ARL10: variants seen among roughly 807,000 people sequenced by gnomAD.
The protein encoded by ARL10 is ADP-ribosylation factor-like protein 10.
In ARL10, 23 loss-of-function variants were observed where a neutral mutation model predicts 26.1. The ratio of observed to expected loss-of-function variants is 0.88; its 90% CI spans 0.63 to 1.25. The LOEUF (loss-of-function observed/expected upper bound fraction) is 1.25. Among genes scored for constraint, ARL10 ranks in the 50% most tolerant of loss-of-function variants. ARL10 has a pLI of 0.00. For missense variants in ARL10, 300 were observed against 323.6 expected (o/e 0.93, Z 0.56); for synonymous variants, 138 against 149.1 (o/e 0.93, Z 0.54).
the ARL10 span, among the ~76,000 whole-genome samples, chr5:176,409,958 C>T: frequency 2.6e-5 from 4 of 152,168 alleles, no homozygotes; most frequent in Admixed American, 6.5e-5. Flanking sequence ...GAAGGCCTTG[C>T]GCTGCCTTCA....
At chr5:176,386,165 T>C (rs1324077396), downstream of ARL10, 1 of 156,398 alleles carries the variant, frequency 6.4e-6, no homozygotes, top group Non-Finnish European at 1.4e-5. Flanking sequence ...GTAACTTTTA[T>C]GTGTTTTTTA....
chr5:176,390,369 C>T (rs1756220784), downstream of ARL10, among the ~76,000 whole-genome samples: 1 of 152,052 alleles, frequency 6.6e-6, no homozygotes, highest in Non-Finnish European at 1.5e-5. Flanking sequence ...GCCCTCCACT[C>T]CGCATAACCT....
chr5:176,410,649 C>T, the ARL10 span, among the ~76,000 whole-genome samples: 2 of 152,184 alleles, frequency 1.3e-5, no homozygotes, highest in African/African-American at 4.8e-5. Flanking sequence ...GACCCCTGGC[C>T]ATGGCTGGGA....
At chr5:176,367,531 T>C (rs758302539) in intron 2 of ARL10, among the ~76,000 whole-genome samples, 1 of 152,200 alleles carries the variant, frequency 6.6e-6, no homozygotes, top group Non-Finnish European at 1.5e-5. Context: ...TTAAAGCCCT[T>C]GGGGGGCTCC....
chr5:176,373,009 A>T lies in ARL10; in HGVS notation c.*1114A>T, dbSNP rs1269987684. On this transcript the variant is annotated 3_prime_UTR_variant, in exon 4 of 4. Transcript: ENST00000310389. ...TTGAGGCTGTCGTCGATATCATAGT[A>T]CTTTACATGGATTCACATGAACTGA... 2 of 398,504 alleles carry T rather than the reference A, an allele frequency of 5.0e-6. No individual in the cohort carries two copies. The highest frequency in any genetic ancestry group is 4.1e-5 in the African/African-American group (2 of 48,620). 24.7% of individuals were successfully genotyped at this position (398,504 alleles called of 1,614,324 possible).
intron 1 of ARL10, among the ~76,000 whole-genome samples, chr5:176,400,127 G>A (rs1238811935): frequency 6.6e-6 from 1 of 151,524 alleles, no homozygotes; most frequent in Non-Finnish European, 1.5e-5. Context: ...GGGCGGGGCA[G>A]GGGAGGCTGC....
downstream of ARL10, among the ~76,000 whole-genome samples, chr5:176,402,639 AG>A (rs1247042925): frequency 6.6e-6 from 1 of 152,212 alleles, no homozygotes; most frequent in African/African-American, 2.4e-5. Context: ...CAGCACCGGG[AG>A]GGCCTGGCTG....
At chr5:176,403,817 T>A (rs111399948), downstream of ARL10, among the ~76,000 whole-genome samples, 4 of 152,280 alleles carry the variant, frequency 2.6e-5, no homozygotes, top group African/African-American at 9.6e-5. Flanking sequence ...TGGAGTACAG[T>A]GGCGTGATCT....
chr5:176,400,609 G>A (rs759832736), intron 1 of ARL10, among the ~76,000 whole-genome samples: 50 of 152,086 alleles, frequency 3.3e-4, no homozygotes, highest in African/African-American at 7.0e-4. Context: ...TGGCACCCAC[G>A]CCCTCCGCAT....
At chr5:176,405,329 A>G (rs1020310779), downstream of ARL10, among the ~76,000 whole-genome samples, 9 of 151,956 alleles carry the variant, frequency 5.9e-5, no homozygotes, top group African/African-American at 2.2e-4. Flanking sequence ...TCTCCATAAA[A>G]AAATTAAAAA....
At position 176,380,125 on chromosome 5, in the gene ARL10, A is replaced by G. The variant is rs1446052590; in HGVS notation, c.*8230A>G. 6.6e-6 allele frequency: 1 copy of G among 152,196 alleles called. No homozygotes were observed. Among genetic ancestry groups the G allele is most frequent in the Non-Finnish European group, 1.5e-5 (1 of 68,040 alleles). 9.4% of individuals were successfully genotyped at this position (152,196 alleles called of 1,614,324 possible). A position where few individuals can be genotyped will look rare whatever the true frequency, so the allele number is the denominator to read the frequency against. ...TTCCCCTTTTTCATTAGCCTCAAGG[A>G]GAAAAGGTAACTGAGCAAAAGGGTT... On this transcript the variant is annotated 3_prime_UTR_variant, in exon 4 of 4. Coordinates refer to ENST00000310389, the MANE Select transcript of ARL10 (RefSeq NM_173664.6).
At chr5:176,399,815 T>C (rs1387566728) in intron 1 of ARL10, among the ~76,000 whole-genome samples, 4 of 151,612 alleles carry the variant, frequency 2.6e-5, no homozygotes, top group Admixed American at 6.6e-5. Context: ...GAGGCGAAGA[T>C]TGCAGTGAGC....
At chr5:176,402,744 G>A (rs1435841428), downstream of ARL10, among the ~76,000 whole-genome samples, 1 of 152,234 alleles carries the variant, frequency 6.6e-6, no homozygotes, top group East Asian at 1.9e-4. Flanking sequence ...GGGACAGGGA[G>A]TCCCTCACAA....
rs986511741 is a variant in ARL10, at chr5:176,376,315, T to A, written c.*4420T>A. On this transcript the variant is annotated 3_prime_UTR_variant, in exon 4 of 4. Coordinates refer to ENST00000310389, the MANE Select transcript of ARL10 (RefSeq NM_173664.6). ...AGGCAGAGGTTGCAGTGAGCTGAGATCACGTCACTGCACTCTAGCCTGGGA... is the reference window on the plus strand; with the variant it reads ...AGGCAGAGGTTGCAGTGAGCTGAGAACACGTCACTGCACTCTAGCCTGGGA... 1 of 134,370 alleles carries A rather than the reference T, an allele frequency of 7.4e-6. No individual in the cohort carries two copies. Among genetic ancestry groups the A allele is most frequent in the East Asian group, 2.2e-4 (1 of 4,510 alleles). 8.3% of individuals were successfully genotyped at this position (134,370 alleles called of 1,614,324 possible).
downstream of ARL10, among the ~76,000 whole-genome samples, chr5:176,382,395 T>C (rs1755574482): frequency 6.6e-6 from 1 of 152,168 alleles, no homozygotes; most frequent in African/African-American, 2.4e-5. Flanking sequence ...GCAGCTCTCA[T>C]GTTCCAACAG....
downstream of ARL10, chr5:176,384,635 A>C: frequency 4.0e-6 from 2 of 496,458 alleles, no homozygotes; most frequent in Non-Finnish European, 3.6e-6. Flanking sequence ...AAAACAATAA[A>C]TTAACCATCC....
chr5:176,413,682 C>T, the ARL10 span, among the ~76,000 whole-genome samples: 1 of 152,242 alleles, frequency 6.6e-6, no homozygotes, highest in African/African-American at 2.4e-5. Context: ...TTTTTCTCTG[C>T]CCCATCCAGG....
rs1335337772 is a variant in ARL10 at position 176,376,463 on chromosome 5, C to T, written c.*4568C>T. 2.0e-5 allele frequency: 3 copies of T among 151,804 alleles called. No individual in the cohort carries two copies. In the East Asian group the frequency reaches 5.8e-4, roughly 29 times the overall value. The allele number at this position is 151,804 out of a possible 1,614,324, so 9.4% of individuals were successfully genotyped here. ...GATACTGGCATTAATGGAATCGTTT[C>T]CTGATTTGAGCGTTAAGTCACAAAC... On this transcript the variant is annotated 3_prime_UTR_variant, in exon 4 of 4. Transcript: ENST00000310389.
At chr5:176,410,221 T>C in the ARL10 span, 1 of 1,600,040 alleles carries the variant, frequency 6.2e-7, no homozygotes, top group African/African-American at 1.3e-5. Context: ...CCAGGGCTGT[T>C]GGTCCTTACC....
Sources: gnomAD v4.1 joint callset for allele counts (sites outside exome capture counted in the v4.1 genomes callset) on GRCh38, gnomAD v4.1.1 for gene constraint, MANE v1.5 for transcripts, NCBI Gene and HGNC (gene_info 2026-07-23, HGNC 2026-07-21) for gene names.